UCK2: variants seen among roughly 807,000 people sequenced by gnomAD.
The protein encoded by UCK2 is uridine-cytidine kinase 2.
In UCK2, 6 loss-of-function variants were observed where a neutral mutation model predicts 30.8. The ratio of observed to expected loss-of-function variants is 0.19; its 90% CI spans 0.11 to 0.38. UCK2 has a LOEUF of 0.38. Ranked by LOEUF, UCK2 falls within the 10% of genes least tolerant of loss-of-function variation. The probability of loss-of-function intolerance (pLI) is 1.00; values close to 1 mark genes in which losing one functional copy is unlikely to be tolerated. For synonymous variants in UCK2, 125 were observed against 133.6 expected (o/e 0.94, Z 0.45); for missense variants, 210 against 339.8 (o/e 0.62, Z 3.00).
chr1:165,827,814 G>T lies in UCK2; in HGVS notation c.-20G>T. ...GTGCGTCCGTTCGCACAGGCAGCGG[G>T]AGGAGGGGCGGCGCGAACCATGGCC... On this transcript the variant is annotated 5_prime_UTR_variant, in exon 1 of 7. Transcript: ENST00000367879. The T allele has an allele frequency of 7.1e-7, 1 of 1,408,444 alleles. No homozygotes were observed. Among genetic ancestry groups the T allele is most frequent in the Admixed American group, 2.7e-5 (1 of 37,648 alleles). 87.2% of individuals were successfully genotyped at this position (1,408,444 alleles called of 1,614,324 possible).
chr1:165,891,638 G>A, intron 3 of UCK2: 1 of 262,676 alleles, frequency 3.8e-6, no homozygotes, highest in Non-Finnish European at 7.3e-6. Flanking sequence ...TGCTGTTCCT[G>A]GAACAAGATG....
intron 1 of UCK2, among the ~76,000 whole-genome samples, chr1:165,834,294 G>T (rs1037055829): frequency 6.6e-6 from 1 of 152,140 alleles, no homozygotes; most frequent in African/African-American, 2.4e-5. Context: ...CCATCCTCCA[G>T]TTATGCTATG....
At chr1:165,894,542 G>C (rs919799049) in intron 3 of UCK2, 4 of 152,142 alleles carry the variant, frequency 2.6e-5, no homozygotes, top group African/African-American at 9.7e-5. Context: ...CTCCACTTCA[G>C]ACTCATTAAA....
intron 1 of UCK2, among the ~76,000 whole-genome samples, chr1:165,845,955 C>T (rs993077804): frequency 3.3e-5 from 5 of 152,186 alleles, no homozygotes; most frequent in African/African-American, 4.8e-5. Flanking sequence ...GTATGAGCCA[C>T]TGTGCCCAGC....
intron 1 of UCK2, among the ~76,000 whole-genome samples, chr1:165,878,173 A>T (rs954364902): frequency 6.6e-6 from 1 of 152,038 alleles, no homozygotes; most frequent in African/African-American, 2.4e-5. Flanking sequence ...GCAACCACTG[A>T]TCTTTTTGTT....
At chr1:165,874,890 T>C (rs796886777) in intron 1 of UCK2, among the ~76,000 whole-genome samples, 18 of 152,324 alleles carry the variant, frequency 1.2e-4, no homozygotes, top group African/African-American at 4.1e-4. Context: ...GCTTTTTCTT[T>C]CCTGGTACAT....
At chr1:165,896,156 T>A (rs1326716357) in intron 3 of UCK2, 34 bp from the exon 4 acceptor site, 1 of 1,612,906 alleles carries the variant, frequency 6.2e-7, no homozygotes, top group Non-Finnish European at 8.5e-7. Context: ...AGCCCCTGCC[T>A]GGCTTGGCCC....
chr1:165,902,172 G>A (rs538618323), intron 4 of UCK2, among the ~76,000 whole-genome samples: 1 of 152,188 alleles, frequency 6.6e-6, no homozygotes, highest in South Asian at 2.1e-4. Context: ...AGAGGCAGAG[G>A]TTGTAGTGAG....
intron 1 of UCK2, among the ~76,000 whole-genome samples, chr1:165,860,786 G>A (rs147693029): frequency 3.3e-5 from 5 of 152,006 alleles, no homozygotes; most frequent in East Asian, 1.9e-4. Context: ...ATATCTATTC[G>A]CTATTCTTGA....
chr1:165,873,288 C>A (rs890354340), intron 1 of UCK2, among the ~76,000 whole-genome samples: 2 of 152,156 alleles, frequency 1.3e-5, no homozygotes, highest in East Asian at 1.9e-4. Context: ...AGACTTCACC[C>A]CTCACTGGAG....
At chr1:165,895,919 A>T (rs1655886180) in intron 3 of UCK2, 1 of 327,578 alleles carries the variant, frequency 3.1e-6, no homozygotes, top group Non-Finnish European at 5.5e-6. Flanking sequence ...TTTAATTCCA[A>T]GGAGAAGGAT....
chr1:165,839,325 A>G (rs1320231381), intron 1 of UCK2, among the ~76,000 whole-genome samples: 3 of 152,226 alleles, frequency 2.0e-5, no homozygotes, highest in Admixed American at 2.0e-4. Context: ...CAGGAAGGAA[A>G]TGCAAGCTGA....
intron 1 of UCK2, among the ~76,000 whole-genome samples, chr1:165,855,293 C>T (rs886761977): frequency 1.3e-5 from 2 of 152,136 alleles, no homozygotes; most frequent in Non-Finnish European, 2.9e-5. Context: ...CCACAAACAC[C>T]TATTCCTAGT....
In UCK2 at chr1:165,907,600, A is replaced by G. The variant is rs533407783; in HGVS notation, c.647-84A>G. The G allele has an allele frequency of 5.6e-5, 85 of 1,524,112 alleles. 1 individual carries two copies. In the East Asian group the frequency reaches 1.5e-3, roughly 28 times the overall value. The allele number at this position is 1,524,112 out of a possible 1,614,324, so 94.4% of individuals were successfully genotyped here. The stretch of plus-strand genomic sequence containing the variant: ...GAAGTCTTTCTACTGTGGTTCCTGC[A>G]TGCCCTTCCCCCAGACAGACTCCCA... On this transcript the variant is annotated intron_variant, in intron 6 of 6. Transcript: ENST00000367879.
intron 1 of UCK2, among the ~76,000 whole-genome samples, chr1:165,880,341 C>T (rs1655454103): frequency 6.6e-6 from 1 of 152,134 alleles, no homozygotes; most frequent in Middle Eastern, 3.2e-3. Flanking sequence ...TGGTGTGTCA[C>T]CCAGGACAAG....
intron 1 of UCK2, among the ~76,000 whole-genome samples, chr1:165,866,201 A>G (rs1197730172): frequency 1.3e-5 from 2 of 152,212 alleles, no homozygotes; most frequent in Non-Finnish European, 2.9e-5. Flanking sequence ...TGAAGTTGAC[A>G]GTTAGTAATG....
intron 1 of UCK2, among the ~76,000 whole-genome samples, chr1:165,834,525 A>G (rs778210791): frequency 1.3e-5 from 2 of 152,188 alleles, no homozygotes; most frequent in East Asian, 1.9e-4. Context: ...AAAAATATAA[A>G]GAACCATATA....
intron 1 of UCK2, among the ~76,000 whole-genome samples, chr1:165,840,711 A>T (rs1472154256): frequency 1.3e-5 from 2 of 152,162 alleles, no homozygotes; most frequent in Non-Finnish European, 2.9e-5. Context: ...GAAGTTTCTT[A>T]TTCTTGTCTT....
At chr1:165,855,811 G>A (rs1441404021) in intron 1 of UCK2, among the ~76,000 whole-genome samples, 1 of 152,176 alleles carries the variant, frequency 6.6e-6, no homozygotes, top group African/African-American at 2.4e-5. Flanking sequence ...TGGCCCTCTG[G>A]AGAGTTGGAA....
Sources: gnomAD v4.1 joint callset for allele counts (sites outside exome capture counted in the v4.1 genomes callset) on GRCh38, gnomAD v4.1.1 for gene constraint, MANE v1.5 for transcripts, NCBI Gene and HGNC (gene_info 2026-07-23, HGNC 2026-07-21) for gene names.